Variants in TAPBP observed in about 807,000 individuals in gnomAD.
TAPBP encodes the protein TAP binding protein, also known as tapasin.
A neutral mutation model predicts 45.7 loss-of-function variants in TAPBP; 38 were observed. That is an observed-to-expected ratio of 0.83 (90% confidence interval 0.64 to 1.09). The LOEUF is 1.09. Among genes scored for constraint, TAPBP ranks in the 50% least tolerant of loss-of-function variants. The probability of loss-of-function intolerance (pLI) is 0.00; values close to 1 mark genes in which losing one functional copy is unlikely to be tolerated. For missense variants in TAPBP, 513 were observed against 587.3 expected (o/e 0.87, Z 1.31); for synonymous variants, 226 against 254.8 (o/e 0.89, Z 1.08).
rs1768515630 is a variant in TAPBP at position 33,300,852 on chromosome 6, G to A, written c.*908C>T. ...ATGGTGGAGGACGCCTGTAGTCCGA[G>A]CTACTTGGGAGGCTGAGGCAGGAGA... On this transcript the variant is annotated 3_prime_UTR_variant, in exon 8 of 8. Transcript: ENST00000434618. 1 of 150,750 alleles carries A rather than the reference G, an allele frequency of 6.6e-6. No homozygotes were observed. The highest frequency in any genetic ancestry group is 2.1e-4 in the South Asian group (1 of 4,776). The allele number at this position is 150,750 out of a possible 1,614,324, so 9.3% of individuals were successfully genotyped here.
rs1768881921 is a variant in TAPBP at position 33,305,124 on chromosome 6, C to T, written c.733G>A (p.Glu245Lys). ...TTTCCGGTCCATGGGCCCCATGGCT[C>T]ATCATCATCCCAAGCAGCAAATGCC... ...AVAFAAWDDD[E>K]PWGPWTGNGT... Residue 245 changes from glutamate (E) to lysine (K), a missense_variant, in exon 4 of 8, where the codon GAG becomes AAG. Glu to Lys is a moderately conservative substitution (Grantham distance 56, BLOSUM62 1). Coordinates refer to ENST00000434618, the MANE Select transcript of TAPBP (RefSeq NM_003190.5). The surrounding 1 kb of genome is among the most constrained non-coding windows in gnomAD (Gnocchi z 4.4). 5.6e-6 allele frequency: 9 copies of T among 1,614,084 alleles called. No homozygotes were observed. Among genetic ancestry groups the T allele is most frequent in the Non-Finnish European group, 7.6e-6 (9 of 1,180,052 alleles).
At position 33,313,724 on chromosome 6, in the gene TAPBP, G is replaced by T. The variant is rs1202755214; in HGVS notation, c.178C>A (p.Leu60Ile). ...GPGEPPPRPD[L>I]DPELYLSVHD... ...ACACTGAGATAGAGCTCAGGGTCGA[G>T]GTCCGGCCGGGGCGGCGGTTCCCCC... Residue 60 changes from leucine to isoleucine, a missense_variant, in exon 2 of 8, where the codon CTC becomes ATC. By Grantham distance (5) the Leu-to-Ile change is conservative. Coordinates refer to ENST00000434618, the MANE Select transcript of TAPBP (RefSeq NM_003190.5). The surrounding 1 kb of genome is among the most constrained non-coding windows in gnomAD (Gnocchi z 7.2). The T allele has an allele frequency of 1.2e-6, 2 of 1,613,460 alleles. No homozygotes were observed. Among genetic ancestry groups the T allele is most frequent in the Non-Finnish European group, 1.7e-6 (2 of 1,179,962 alleles).
At chr6:33,311,610 C>G (rs1249291423) in intron 3 of TAPBP, among the ~76,000 whole-genome samples, 1 of 152,062 alleles carries the variant, frequency 6.6e-6, no homozygotes, top group Non-Finnish European at 1.5e-5. Flanking sequence ...GCCTGGGCAA[C>G]AAGAGCAAAA....
chr6:33,307,691 C>T (rs991963859), intron 3 of TAPBP, among the ~76,000 whole-genome samples: 1 of 152,156 alleles, frequency 6.6e-6, no homozygotes, highest in Non-Finnish European at 1.5e-5. Context: ...CATGAGCCAC[C>T]ACGCCTGGCC....
Position 33,304,977 on chromosome 6 carries a change from C to A in TAPBP, c.868+12G>T. On this transcript the variant is annotated intron_variant, in intron 4 of 7. Transcript: ENST00000434618. Reference sequence around the variant, plus strand: ...ACCCTCTACCCCTGGAGACCTCTGTCCCCCAACTCACTGTACACAGCAAGC... The same window carrying A: ...ACCCTCTACCCCTGGAGACCTCTGTACCCCAACTCACTGTACACAGCAAGC... 1 of 1,613,300 alleles carries A rather than the reference C, an allele frequency of 6.2e-7. No individual in the cohort carries two copies. Among genetic ancestry groups the A allele is most frequent in the Non-Finnish European group, 8.5e-7 (1 of 1,179,466 alleles).
intron 3 of TAPBP, among the ~76,000 whole-genome samples, chr6:33,311,328 T>C (rs1404019549): frequency 1.3e-5 from 2 of 151,778 alleles, no homozygotes; most frequent in Non-Finnish European, 2.9e-5. Flanking sequence ...GTCTCAAAAA[T>C]AAATAAATAA....
Position 33,301,711 on chromosome 6 carries a change from G to A in TAPBP, c.*49C>T. 1 of 1,552,782 alleles carries A rather than the reference G, an allele frequency of 6.4e-7. No individual in the cohort carries two copies. The highest frequency in any genetic ancestry group is 2.2e-5 in the East Asian group (1 of 44,562). Reference sequence around the variant, plus strand: ...ATTATTTTAGGGAGCTACTACAGAAGCTTGGGCCAGAGATGATGGTGGCTT... The same window carrying A: ...ATTATTTTAGGGAGCTACTACAGAAACTTGGGCCAGAGATGATGGTGGCTT... On this transcript the variant is annotated 3_prime_UTR_variant, in exon 8 of 8. Coordinates refer to ENST00000434618, the MANE Select transcript of TAPBP (RefSeq NM_003190.5).
chr6:33,307,916 C>A (rs144424569), intron 3 of TAPBP, among the ~76,000 whole-genome samples: 23 of 152,192 alleles, frequency 1.5e-4, no homozygotes, highest in African/African-American at 5.1e-4. Context: ...ATTTTCATTA[C>A]CTTCATCACT....
Position 33,304,172 on chromosome 6 carries a change from G to A in TAPBP, c.1256C>T (p.Ser419Phe), listed in dbSNP as rs780602565. The A allele has an allele frequency of 6.2e-7, 1 of 1,613,612 alleles. No individual in the cohort carries two copies. The highest frequency in any genetic ancestry group is 1.7e-5 in the Admixed American group (1 of 59,940). The change falls in exon 6 of 8, where the codon TCT becomes TTT. Residue 419 changes from serine to phenylalanine, a missense_variant. Coordinates refer to ENST00000434618, the MANE Select transcript of TAPBP (RefSeq NM_003190.5). ...GAAGAGCCCAAGCAGAAGAAAGGCA[G>A]ACAGGAAAAGGCCTACGCTGTCCTC... ...SLEDSVGLFL[S>F]AFLLLGLFKA...
At chr6:33,308,573 C>T (rs1769128289) in intron 3 of TAPBP, among the ~76,000 whole-genome samples, 1 of 152,138 alleles carries the variant, frequency 6.6e-6, no homozygotes, top group African/African-American at 2.4e-5. Flanking sequence ...TTGCTTTGGT[C>T]ATGAGGTCCC....
In TAPBP at chr6:33,301,467, C is replaced by T. The variant is rs987231673; in HGVS notation, c.*293G>A. The T allele has an allele frequency of 1.7e-5, 7 of 417,044 alleles. No individual in the cohort carries two copies. Among genetic ancestry groups the T allele is most frequent in the African/African-American group, 1.0e-4 (5 of 49,022 alleles). The allele number at this position is 417,044 out of a possible 1,614,324, so 25.8% of individuals were successfully genotyped here. On this transcript the variant is annotated 3_prime_UTR_variant, in exon 8 of 8. Transcript: ENST00000434618. ...CATGTGCCTGTAATCCCAGCTACTC[C>T]GGAGGCTGAAGCCACAGAATTGCTT...
chr6:33,313,863 G>T lies in TAPBP; in HGVS notation c.39C>A (p.Gly13=), dbSNP rs536747682. The T allele has an allele frequency of 6.2e-6, 10 of 1,613,612 alleles. No homozygotes were observed. The highest frequency in any genetic ancestry group is 8.5e-6 in the Non-Finnish European group (10 of 1,179,986). The change falls in exon 2 of 8, where the codon GGC becomes GGA. Residue 13 remains glycine, a splice_region_variant and synonymous_variant. Coordinates refer to ENST00000434618, the MANE Select transcript of TAPBP (RefSeq NM_003190.5). This position sits in a 1 kb window ranked among gnomAD's most constrained non-coding sequence, Gnocchi z 7.2. Reference sequence around the variant, plus strand: ...GTCCTGCTGAGACGGCGGTCGCCAGGCCTGGCGTATAGGGACGCGAGTGAG... The same window carrying T: ...GTCCTGCTGAGACGGCGGTCGCCAGTCCTGGCGTATAGGGACGCGAGTGAG... ...SLSLLLAVAL[G]LATAVSAGPA...
In TAPBP at chr6:33,301,517, TAA is replaced by T. The variant is rs1489336363; in HGVS notation, c.*241_*242del. On this transcript the variant is annotated 3_prime_UTR_variant, in exon 8 of 8. Coordinates refer to ENST00000434618, the MANE Select transcript of TAPBP (RefSeq NM_003190.5). ...TGAACCCAGGAGGCGGAGGTTGCAGTAAGCCAAGATCATGCCACTGCACTGCA... is the reference window on the plus strand; with the variant it reads ...TGAACCCAGGAGGCGGAGGTTGCAGTGCCAAGATCATGCCACTGCACTGCA... The T allele has an allele frequency of 1.0e-5, 5 of 497,350 alleles. No individual in the cohort carries two copies. The allele number at this position is 497,350 out of a possible 1,614,324, so 30.8% of individuals were successfully genotyped here. A position where few individuals can be genotyped will look rare whatever the true frequency, so the allele number is the denominator to read the frequency against.
intron 7 of TAPBP, among the ~76,000 whole-genome samples, chr6:33,302,144 CTTT>C (rs70996762): frequency 1.4e-4 from 17 of 118,662 alleles, no homozygotes; most frequent in Admixed American, 2.6e-4. Context: ...TCTTTTCTTT[CTTT>C]TTTTTTTTTT....
At chr6:33,304,270 A>T (rs374888060) in intron 5 of TAPBP, 27 bp downstream of exon 5, 111 of 1,604,618 alleles carry the variant, frequency 6.9e-5, no homozygotes, top group Non-Finnish European at 8.8e-5. Context: ...GTGCTGGCTC[A>T]GATTCCGCAG....
rs907728140 is a variant in TAPBP at position 33,301,507 on chromosome 6, G to A, written c.*253C>T. The A allele has an allele frequency of 2.8e-5, 14 of 496,584 alleles. No homozygotes were observed. The East Asian group carries it at 3.6e-4, about 13-fold the overall frequency. The allele number at this position is 496,584 out of a possible 1,614,324, so 30.8% of individuals were successfully genotyped here. The stretch of plus-strand genomic sequence containing the variant: ...CAGAATTGCTTGAACCCAGGAGGCG[G>A]AGGTTGCAGTAAGCCAAGATCATGC... On this transcript the variant is annotated 3_prime_UTR_variant, in exon 8 of 8. Coordinates refer to ENST00000434618, the MANE Select transcript of TAPBP (RefSeq NM_003190.5).
rs1768913584 is a variant in TAPBP, at chr6:33,305,405, ATGAG to A, written c.470-22_470-19del. 2 of 1,507,930 alleles carry A rather than the reference ATGAG, an allele frequency of 1.3e-6. No homozygotes were observed. Among genetic ancestry groups the A allele is most frequent in the East Asian group, 4.6e-5 (2 of 43,702 alleles). The allele number at this position is 1,507,930 out of a possible 1,614,324, so 93.4% of individuals were successfully genotyped here. A position where few individuals can be genotyped will look rare whatever the true frequency, so the allele number is the denominator to read the frequency against. On this transcript the variant is annotated intron_variant, in intron 3 of 7. Coordinates refer to ENST00000434618, the MANE Select transcript of TAPBP (RefSeq NM_003190.5). This position sits in a 1 kb window ranked among gnomAD's most constrained non-coding sequence, Gnocchi z 4.4. ...CAGTACCACTGAGGAAGACAGGGAGATGAGGGGTTGGGAGGGGCATGAGGGAGAG... is the reference window on the plus strand; with the variant it reads ...CAGTACCACTGAGGAAGACAGGGAGAGGGTTGGGAGGGGCATGAGGGAGAG...
At position 33,304,589 on chromosome 6, in the gene TAPBP, T is replaced by C; in HGVS notation, c.918A>G (p.Pro306=). ...LMPATLARAA[P]GEAPPELLCL... is the part of the protein sequence containing the mutation. ...AGAGCAATTCCGGGGGTGCCTCCCC[T>C]GGGGCGGCCCGTGCAAGGGTTGCTG... The change falls in exon 5 of 8, where the codon CCA becomes CCG. Residue 306 remains proline (P), a synonymous_variant. Transcript: ENST00000434618. The C allele has an allele frequency of 6.3e-7, 1 of 1,598,356 alleles. No homozygotes were observed. Among genetic ancestry groups the C allele is most frequent in the Non-Finnish European group, 8.5e-7 (1 of 1,177,482 alleles).
intron 3 of TAPBP, among the ~76,000 whole-genome samples, chr6:33,307,154 G>A (rs1029801443): frequency 6.6e-6 from 1 of 151,948 alleles, no homozygotes; most frequent in African/African-American, 2.4e-5. Flanking sequence ...CAGGTGTGGG[G>A]GCAGGCACCT....
Sources: gnomAD v4.1 joint callset for allele counts (sites outside exome capture counted in the v4.1 genomes callset) on GRCh38, gnomAD v4.1.1 for gene constraint, Gnocchi (gnomAD v3.1) non-coding constraint, MANE v1.5 for transcripts, NCBI Gene and HGNC (gene_info 2026-07-23, HGNC 2026-07-21) for gene names.